Variants in RNASET2 observed in about 807,000 individuals in gnomAD.
RNASET2 encodes ribonuclease 6.
RNASET2 carries 28 observed loss-of-function variants against 33.9 expected under a neutral mutation model. The observed-to-expected ratio is 0.83, with a 90% CI of 0.61 to 1.13. The LOEUF is 1.13. Ranked by LOEUF, RNASET2 falls within the 50% of genes most tolerant of loss-of-function variation. The pLI is 0.00. For missense variants in RNASET2, 330 were observed against 319.9 expected, an observed-to-expected ratio of 1.03 and a Z score of -0.24; for synonymous variants, 123 against 121.0, an observed-to-expected ratio of 1.02 and a Z score of -0.11.
chr6:166,942,391 T>C (rs1778713405), intron 5 of RNASET2, among the ~76,000 whole-genome samples: 1 of 152,132 alleles, frequency 6.6e-6, no homozygotes, highest in South Asian at 2.1e-4. Flanking sequence ...GAGCACAATT[T>C]CCTTAAGAAA....
At chr6:166,955,636 TGA>T in intron 1 of RNASET2, 2 of 998,834 alleles carry the variant, frequency 2.0e-6, no homozygotes, top group Non-Finnish European at 2.4e-6. Flanking sequence ...GTCTGTGGGA[TGA>T]GTTTCCAGTC....
Position 166,922,950 on chromosome 6 carries a change from G to C in RNASET2, c.*6638C>G, listed in dbSNP as rs575780992. On this transcript the variant is annotated 3_prime_UTR_variant, in exon 9 of 9. Transcript: ENST00000508775. ...GCAGACTTTTCTCAGTGTTAAAAGC[G>C]GGTAGGAAAAGGTGATTGTGTAATT... is the stretch of plus-strand genomic sequence containing the variant. Among the ~76,000 whole-genome samples, 1 of 152,198 alleles carries C rather than the reference G, an allele frequency of 6.6e-6. No individual in the cohort carries two copies. Among genetic ancestry groups the C allele is most frequent in the Admixed American group, 6.5e-5 (1 of 15,288 alleles).
rs76691958 is a variant in RNASET2, at chr6:166,931,569, A to T, written c.493-451T>A. On this transcript the variant is annotated intron_variant, in intron 7 of 8. Coordinates refer to ENST00000508775, the MANE Select transcript of RNASET2 (RefSeq NM_003730.6). The stretch of plus-strand genomic sequence containing the variant: ...CGGTGGACACATTCTCCTTCACAGA[A>T]GAAAGGCCCTGGGACCCCTCAGCTA... 5.7e-3 allele frequency: 1,150 copies of T among 203,462 alleles called. 7 individuals are homozygous for T. The highest frequency in any genetic ancestry group is 0.025 in the African/African-American group (1,087 of 42,858). The allele number at this position is 203,462 out of a possible 1,614,324, so 12.6% of individuals were successfully genotyped here.
In RNASET2 at chr6:166,927,778, A is replaced by ACTCTAAAG. The variant is rs1018184496; in HGVS notation, c.*1802_*1809dup. On this transcript the variant is annotated 3_prime_UTR_variant, in exon 9 of 9. Transcript: ENST00000508775. ...AAGGACTCTGAGGCTTAAGAGTCCA[A>ACTCTAAAG]CTCTAAAGTACACCCACTCCCTGAG... Among the ~76,000 whole-genome samples, 2 of 151,552 alleles carry ACTCTAAAG rather than the reference A, an allele frequency of 1.3e-5. No homozygotes were observed. The highest frequency in any genetic ancestry group is 2.4e-5 in the African/African-American group (1 of 41,154).
intron 4 of RNASET2, chr6:166,943,549 G>A: frequency 3.4e-6 from 1 of 290,960 alleles, no homozygotes; most frequent in South Asian, 2.8e-5. Flanking sequence ...TCAAGGGGAG[G>A]AAGAAGGGGA....
At chr6:166,953,932 A>T (rs1354713547) in intron 1 of RNASET2, among the ~76,000 whole-genome samples, 1 of 151,768 alleles carries the variant, frequency 6.6e-6, no homozygotes, top group Non-Finnish European at 1.5e-5. Context: ...CTGGTAAAGC[A>T]TTTTTTACCC....
chr6:166,943,849 C>A, intron 4 of RNASET2: 1 of 436,386 alleles, frequency 2.3e-6, no homozygotes, highest in Admixed American at 2.6e-5. Flanking sequence ...TGGCCGGGCA[C>A]GGTGGCTCAC....
At chr6:166,954,368 G>A (rs1779056617) in intron 1 of RNASET2, among the ~76,000 whole-genome samples, 1 of 152,214 alleles carries the variant, frequency 6.6e-6, no homozygotes, top group Admixed American at 6.5e-5. Flanking sequence ...CCTGTTTTAT[G>A]CTAATGTTTA....
chr6:166,924,708 T>C lies in RNASET2; in HGVS notation c.*4880A>G, dbSNP rs1452980915. ...TCCCTTGCCGTCTGTTGCCCTGCAC[T>C]TTGGGAGGCTGAGGCAGGTGGATCA... On this transcript the variant is annotated 3_prime_UTR_variant, in exon 9 of 9. Transcript: ENST00000508775. Among the ~76,000 whole-genome samples the C allele has an allele frequency of 6.6e-6, 1 of 152,182 alleles. No homozygotes were observed. Among genetic ancestry groups the C allele is most frequent in the Non-Finnish European group, 1.5e-5 (1 of 68,034 alleles).
intron 5 of RNASET2, among the ~76,000 whole-genome samples, chr6:166,939,828 C>T (rs1778655043): frequency 6.6e-6 from 1 of 152,240 alleles, no homozygotes; most frequent in Non-Finnish European, 1.5e-5. Context: ...TAAAGGGCTG[C>T]ACGTGAACAG....
At chr6:166,937,994 A>G (rs1215812736) in intron 6 of RNASET2, among the ~76,000 whole-genome samples, 1 of 152,230 alleles carries the variant, frequency 6.6e-6, no homozygotes, top group East Asian at 1.9e-4. Context: ...GGCAAAGCAC[A>G]TGTCTAGATA....
chr6:166,939,831 G>A (rs747658713), intron 5 of RNASET2, among the ~76,000 whole-genome samples: 59 of 152,338 alleles, frequency 3.9e-4, no homozygotes, highest in Middle Eastern at 3.4e-3. Flanking sequence ...AGGGCTGCAC[G>A]TGAACAGCAA....
At chr6:166,930,732 C>T (rs776620019) in intron 8 of RNASET2, among the ~76,000 whole-genome samples, 1 of 150,742 alleles carries the variant, frequency 6.6e-6, no homozygotes, top group African/African-American at 2.4e-5. Flanking sequence ...ACAGCACATG[C>T]CCACATAATG....
In RNASET2 at chr6:166,948,633, G is replaced by A; in HGVS notation, c.148-8C>T. 6.6e-7 allele frequency: 1 copy of A among 1,509,610 alleles called. No homozygotes were observed. The highest frequency in any genetic ancestry group is 9.2e-7 in the Non-Finnish European group (1 of 1,086,348). The allele number at this position is 1,509,610 out of a possible 1,614,324, so 93.5% of individuals were successfully genotyped here. A position where few individuals can be genotyped will look rare whatever the true frequency, so the allele number is the denominator to read the frequency against. On this transcript the variant is annotated splice_polypyrimidine_tract_variant and splice_region_variant and intron_variant, in intron 2 of 8. Coordinates refer to ENST00000508775, the MANE Select transcript of RNASET2 (RefSeq NM_003730.6). Reference sequence around the variant, plus strand: ...ACAGTCGTTTTGAATTTTCTAGGGAGAAAATATAACAAGAAAATGATTGGC... The same window carrying A: ...ACAGTCGTTTTGAATTTTCTAGGGAAAAAATATAACAAGAAAATGATTGGC...
chr6:166,949,288 G>T (rs923736543), intron 2 of RNASET2, among the ~76,000 whole-genome samples: 7 of 150,566 alleles, frequency 4.6e-5, no homozygotes, highest in African/African-American at 1.5e-4. Flanking sequence ...CAGATCATGA[G>T]GTCAGGAGAT....
rs763137668 is a variant in RNASET2, at chr6:166,939,054, C to T, written c.333-46G>A. On this transcript the variant is annotated intron_variant, in intron 5 of 8. Transcript: ENST00000508775. ...CTCCACTTAAAAGTAGTGAAACAGG[C>T]TGCGTGCAGTGGCTCATGCCTGTAA... 12 of 1,399,600 alleles carry T rather than the reference C, an allele frequency of 8.6e-6. No homozygotes were observed. In the South Asian group the frequency reaches 1.3e-4, roughly 15 times the overall value. The allele number at this position is 1,399,600 out of a possible 1,614,324, so 86.7% of individuals were successfully genotyped here. A position where few individuals can be genotyped will look rare whatever the true frequency, so the allele number is the denominator to read the frequency against.
intron 2 of RNASET2, among the ~76,000 whole-genome samples, chr6:166,952,048 C>A (rs1778997018): frequency 6.6e-6 from 1 of 152,196 alleles, no homozygotes; most frequent in Non-Finnish European, 1.5e-5. Context: ...GTGTCCTCAT[C>A]AGAAGAGACA....
At position 166,952,452 on chromosome 6, in the gene RNASET2, C is replaced by T. The variant is rs749547369; in HGVS notation, c.147+36G>A. ...CACAAACCCCTCTTCACAGGGCTCC[C>T]CAGGCCCCAGGGCCCGTCAAGGCAG... On this transcript the variant is annotated intron_variant, in intron 2 of 8. Coordinates refer to ENST00000508775, the MANE Select transcript of RNASET2 (RefSeq NM_003730.6). 4 of 1,592,938 alleles carry T rather than the reference C, an allele frequency of 2.5e-6. No individual in the cohort carries two copies. In the Admixed American group the frequency reaches 6.7e-5, roughly 27 times the overall value.
At position 166,933,041 on chromosome 6, in the gene RNASET2, A is replaced by C. The variant is rs569733845; in HGVS notation, c.492+1050T>G. ...AGACACTGTTGCCAATTTATTTCAC[A>C]AACAGTCAAGATACCAAAATAATTG... On this transcript the variant is annotated intron_variant, in intron 7 of 8. Transcript: ENST00000508775. The surrounding 1 kb of genome is among the most constrained non-coding windows in gnomAD (Gnocchi z 4.1). 1.4e-4 allele frequency: 21 copies of C among 152,340 alleles called. No individual in the cohort carries two copies. Among genetic ancestry groups the C allele is most frequent in the African/African-American group, 4.6e-4 (19 of 41,580 alleles). 9.4% of individuals were successfully genotyped at this position (152,340 alleles called of 1,614,324 possible).
Sources: gnomAD v4.1 joint callset for allele counts (sites outside exome capture counted in the v4.1 genomes callset) on GRCh38, gnomAD v4.1.1 for gene constraint, Gnocchi (gnomAD v3.1) non-coding constraint, MANE v1.5 for transcripts, NCBI Gene and HGNC (gene_info 2026-07-23, HGNC 2026-07-21) for gene names.